Variants in BAIAP2 observed in about 807,000 individuals in gnomAD.
BAIAP2 encodes the protein BAR/IMD domain-containing adapter protein 2.
A neutral mutation model predicts 63.0 loss-of-function variants in BAIAP2; 18 were observed. That is an observed-to-expected ratio of 0.29 (90% confidence interval 0.20 to 0.42). BAIAP2 has a LOEUF of 0.42. BAIAP2 is among the 10% of genes least tolerant of loss of function. The pLI, the probability that BAIAP2 is intolerant of heterozygous loss-of-function variation, is 1.00. For missense variants in BAIAP2, 610 were observed against 734.3 expected (o/e 0.83, Z 1.96); for synonymous variants, 386 against 307.6 (o/e 1.25, Z -2.67).
chr17:81,080,386 G>A (rs961686817), intron 3 of BAIAP2, among the ~76,000 whole-genome samples: 4 of 152,228 alleles, frequency 2.6e-5, no homozygotes, highest in African/African-American at 7.2e-5. Flanking sequence ...AGCTCAGGGC[G>A]GGCACACGCC....
chr17:81,088,752 T>C (rs2056176747), intron 6 of BAIAP2, among the ~76,000 whole-genome samples: 1 of 152,218 alleles, frequency 6.6e-6, no homozygotes, highest in Non-Finnish European at 1.5e-5. Flanking sequence ...ATCGTGTGGG[T>C]ACCGGAGGCT....
rs749136792 is a variant in BAIAP2 at position 81,046,748 on chromosome 17, G to T, written c.55-6920G>T. ...TACCTCCCTAGTCCATGCTGTACAT[G>T]TGGCCGGGGGTTTCCAGGCTTGGCT... On this transcript the variant is annotated intron_variant, in intron 1 of 13. Coordinates refer to ENST00000428708, the MANE Select transcript of BAIAP2 (RefSeq NM_001144888.2). The surrounding 1 kb of genome is among the most constrained non-coding windows in gnomAD (Gnocchi z 4.5). Among the ~76,000 whole-genome samples, 6 of 152,206 alleles carry T rather than the reference G, an allele frequency of 3.9e-5. No homozygotes were observed. Among genetic ancestry groups the T allele is most frequent in the Non-Finnish European group, 8.8e-5 (6 of 68,034 alleles).
At chr17:81,053,505 G>A in intron 1 of BAIAP2, 163 bp from the exon 2 acceptor site, 1 of 709,562 alleles carries the variant, frequency 1.4e-6, no homozygotes, top group Admixed American at 2.3e-5. Flanking sequence ...CATTGATCAG[G>A]GGCATGGCTG....
chr17:81,095,189 G>GA (rs2057420847), intron 6 of BAIAP2, among the ~76,000 whole-genome samples: 1 of 152,084 alleles, frequency 6.6e-6, no homozygotes, highest in South Asian at 2.1e-4. Context: ...GGCGGGCGGG[G>GA]ACTGGAGGGG....
chr17:81,107,095 C>T lies in BAIAP2; in HGVS notation c.1500+188C>T, dbSNP rs529157126. ...CCCTGCTTCGGCCTCAGGCTGCCCGCCTCGCCGCAGCAGGCTCCCTGTGTC... is the reference window on the plus strand; with the variant it reads ...CCCTGCTTCGGCCTCAGGCTGCCCGTCTCGCCGCAGCAGGCTCCCTGTGTC... On this transcript the variant is annotated intron_variant, in intron 12 of 13. Coordinates refer to ENST00000428708, the MANE Select transcript of BAIAP2 (RefSeq NM_001144888.2). 61 of 690,278 alleles carry T rather than the reference C, an allele frequency of 8.8e-5. No individual in the cohort carries two copies. In the Middle Eastern group the frequency reaches 3.4e-3, roughly 38 times the overall value. The allele number at this position is 690,278 out of a possible 1,614,324, so 42.8% of individuals were successfully genotyped here.
Position 81,104,018 on chromosome 17 carries a change from C to T in BAIAP2, c.976C>T (p.Pro326Ser). The T allele has an allele frequency of 1.2e-6, 2 of 1,613,276 alleles. No individual in the cohort carries two copies. The highest frequency in any genetic ancestry group is 8.5e-7 in the Non-Finnish European group (1 of 1,180,026). ...RKAAQPKSLS[P>S]PQSQSKLSDS... The stretch of plus-strand genomic sequence containing the variant: ...GGCTGCCCAGCCCAAATCCCTGTCT[C>T]CTCCGCAGTCTCAGAGCAAGCTCAG... Residue 326 changes from proline (P) to serine (S), a missense_variant, in exon 9 of 14, where the codon CCT becomes TCT. Around this residue, in one of 5 missense-constraint regions of BAIAP2, gnomAD observed 389 missense variants for 455.6 expected, o/e 0.85. Coordinates refer to ENST00000428708, the MANE Select transcript of BAIAP2 (RefSeq NM_001144888.2).
intron 1 of BAIAP2, 75 bp downstream of exon 1, chr17:81,035,383 C>G: frequency 2.1e-6 from 2 of 961,066 alleles, no homozygotes; most frequent in Non-Finnish European, 2.5e-6. Context: ...CGCCCGAGCC[C>G]GACCAGGGCG....
chr17:81,055,042 T>A (rs953177329), intron 2 of BAIAP2, among the ~76,000 whole-genome samples: 4 of 152,138 alleles, frequency 2.6e-5, no homozygotes, highest in African/African-American at 9.7e-5. Context: ...ATCGTGTGTT[T>A]TCCGGGACAC....
intron 6 of BAIAP2, among the ~76,000 whole-genome samples, chr17:81,094,680 C>T (rs142839104): frequency 2.4e-3 from 364 of 152,266 alleles, no homozygotes; most frequent in Non-Finnish European, 4.2e-3. Flanking sequence ...GCCTGGGTAC[C>T]GTGCCCATCA....
chr17:81,062,393 C>A (rs1431352182), intron 3 of BAIAP2, among the ~76,000 whole-genome samples: 8 of 151,562 alleles, frequency 5.3e-5, no homozygotes, highest in Admixed American at 5.3e-4. Context: ...TATTATGACG[C>A]CTTTGCTTTT....
chr17:81,084,285 A>T lies in BAIAP2; in HGVS notation c.218-547A>T, dbSNP rs115509802. On this transcript the variant is annotated intron_variant, in intron 3 of 13. Transcript: ENST00000428708. ...CGCTCCTCTGGGGCTCAAAGCGGAG[A>T]TGTTGGGTGAAGGTCTCAGAGGTGC... Among the ~76,000 whole-genome samples the T allele has an allele frequency of 9.8e-3, 1,490 of 152,082 alleles. 27 individuals are homozygous for T. Among genetic ancestry groups the T allele is most frequent in the African/African-American group, 0.034 (1,392 of 41,484 alleles).
intron 3 of BAIAP2, among the ~76,000 whole-genome samples, chr17:81,074,844 G>A (rs905602820): frequency 1.3e-5 from 2 of 152,252 alleles, no homozygotes; most frequent in Admixed American, 6.5e-5. Flanking sequence ...ATCACAGAAA[G>A]AGTGGTGAAG....
At chr17:81,093,800 C>T (rs760351579) in intron 6 of BAIAP2, among the ~76,000 whole-genome samples, 2 of 152,164 alleles carry the variant, frequency 1.3e-5, no homozygotes, top group South Asian at 2.1e-4. Flanking sequence ...AAAGCACCCT[C>T]GTTCAGATCT....
At chr17:81,103,875 A>G in intron 8 of BAIAP2, 32 bp from the exon 9 acceptor site, 1 of 1,610,166 alleles carries the variant, frequency 6.2e-7, no homozygotes, top group Non-Finnish European at 8.5e-7. Flanking sequence ...GGTGGGCTCC[A>G]GCAACAGCCT....
intron 3 of BAIAP2, among the ~76,000 whole-genome samples, chr17:81,064,827 G>GA (rs1464700253): frequency 6.6e-6 from 1 of 152,232 alleles, no homozygotes; most frequent in African/African-American, 2.4e-5. Context: ...TCCCTGCAGT[G>GA]AAAGAGTTTC....
chr17:81,106,656 T>G, intron 11 of BAIAP2, 89 bp from the exon 12 acceptor site: 1 of 1,509,478 alleles, frequency 6.6e-7, no homozygotes, highest in East Asian at 2.3e-5. Context: ...GTGGGCTAGG[T>G]GAGGGCGGGC....
intron 3 of BAIAP2, among the ~76,000 whole-genome samples, chr17:81,069,991 T>TCA (rs2052295961): frequency 1.3e-5 from 2 of 152,124 alleles, no homozygotes; most frequent in African/African-American, 4.8e-5. Flanking sequence ...AGACAGAGTC[T>TCA]CACTCTGTCA....
chr17:81,050,363 C>G (rs55745320), intron 1 of BAIAP2, among the ~76,000 whole-genome samples: 1 of 152,122 alleles, frequency 6.6e-6, no homozygotes, highest in Non-Finnish European at 1.5e-5. Flanking sequence ...GTTCCCTGCC[C>G]GCTGTCTCCT....
chr17:81,060,267 A>G (rs1223620505), intron 3 of BAIAP2, among the ~76,000 whole-genome samples: 1 of 152,142 alleles, frequency 6.6e-6, no homozygotes, highest in East Asian at 1.9e-4. Context: ...CCATTGCCCC[A>G]TCTAACTCCA....
Sources: gnomAD v4.1 joint callset for allele counts (sites outside exome capture counted in the v4.1 genomes callset) on GRCh38, gnomAD v4.1.1 for gene constraint, gnomAD v4.1.1 regional missense constraint, Gnocchi (gnomAD v3.1) non-coding constraint, MANE v1.5 for transcripts, NCBI Gene and HGNC (gene_info 2026-07-23, HGNC 2026-07-21) for gene names.